Variants in PRR16 observed in about 807,000 individuals in gnomAD.
PRR16 encodes protein Largen.
In PRR16, 6 loss-of-function variants were observed where a neutral mutation model predicts 18.2. The observed-to-expected ratio is 0.33, with a 90% CI of 0.18 to 0.65. The LOEUF is 0.65. Among genes scored for constraint, PRR16 ranks in the 30% least tolerant of loss-of-function variants. The pLI is 0.74. For missense variants in PRR16, 412 were observed against 376.6 expected (o/e 1.09, Z -0.78); for synonymous variants, 151 against 147.8 (o/e 1.02, Z -0.16).
intron 1 of PRR16, among the ~76,000 whole-genome samples, chr5:120,540,439 A>G (rs1229080136): frequency 2.0e-5 from 3 of 152,306 alleles, no homozygotes; most frequent in African/African-American, 4.8e-5. Context: ...ATAAGGCCCT[A>G]TGTGCCCTGG....
chr5:120,652,598 T>C (rs1755829455), intron 1 of PRR16, among the ~76,000 whole-genome samples: 1 of 152,102 alleles, frequency 6.6e-6, no homozygotes. Flanking sequence ...AAGAAAAGTA[T>C]AGACAAACCC....
chr5:120,733,895 A>C, the PRR16 span, among the ~76,000 whole-genome samples: 1 of 152,228 alleles, frequency 6.6e-6, no homozygotes, highest in Non-Finnish European at 1.5e-5. Flanking sequence ...TTTTTACTAT[A>C]CTTTCAATGC....
chr5:120,590,227 C>T (rs1362693834), intron 1 of PRR16, among the ~76,000 whole-genome samples: 3 of 152,118 alleles, frequency 2.0e-5, no homozygotes, highest in African/African-American at 7.2e-5. Context: ...GGATCCAGCT[C>T]AGATTCTTGA....
intron 1 of PRR16, among the ~76,000 whole-genome samples, chr5:120,576,543 G>A (rs1270859503): frequency 5.9e-5 from 9 of 152,138 alleles, no homozygotes; most frequent in Non-Finnish European, 1.3e-4. Flanking sequence ...TGGAGTAAAG[G>A]AAACCCTTAT....
the PRR16 span, among the ~76,000 whole-genome samples, chr5:120,738,807 G>A: frequency 7.2e-5 from 11 of 152,120 alleles, no homozygotes; most frequent in African/African-American, 1.9e-4. Context: ...GCTCCATACT[G>A]CAAGAGGCTA....
intron 1 of PRR16, among the ~76,000 whole-genome samples, chr5:120,592,645 T>C (rs1251212502): frequency 6.6e-6 from 1 of 152,178 alleles, no homozygotes; most frequent in African/African-American, 2.4e-5. Flanking sequence ...CCATTGTGCA[T>C]GTAACCCATC....
the PRR16 span, among the ~76,000 whole-genome samples, chr5:120,753,942 A>ATG: frequency 1.5e-4 from 1 of 6,472 alleles, no homozygotes; most frequent in Admixed American, 7.6e-3. Flanking sequence ...TATATATAAT[A>ATG]TATGTTATAT....
intron 1 of PRR16, among the ~76,000 whole-genome samples, chr5:120,481,817 A>G (rs1749626517): frequency 1.3e-5 from 2 of 152,168 alleles, no homozygotes; most frequent in African/African-American, 4.8e-5. Flanking sequence ...ATTTTGTTTC[A>G]AAACAAATTT....
the PRR16 span, among the ~76,000 whole-genome samples, chr5:120,743,954 G>T: frequency 1.3e-3 from 195 of 152,042 alleles, no homozygotes; most frequent in African/African-American, 3.8e-3. Context: ...TAGCAGTGTA[G>T]CATTGGTCCT....
intron 1 of PRR16, among the ~76,000 whole-genome samples, chr5:120,540,253 C>T (rs1413231226): frequency 2.0e-5 from 3 of 152,176 alleles, no homozygotes; most frequent in African/African-American, 7.2e-5. Flanking sequence ...AGGGCAATTG[C>T]AGAGGCCCCT....
chr5:120,749,269 G>A, the PRR16 span, among the ~76,000 whole-genome samples: 1 of 151,928 alleles, frequency 6.6e-6, no homozygotes, highest in Admixed American at 6.6e-5. Flanking sequence ...TAAAAAATGT[G>A]CAGGATTAAA....
At chr5:120,641,034 A>C (rs917009785) in intron 1 of PRR16, among the ~76,000 whole-genome samples, 1 of 152,118 alleles carries the variant, frequency 6.6e-6, no homozygotes, top group Admixed American at 6.6e-5. Context: ...CAACCAGAAG[A>C]GCAGAGTATG....
rs1751663265 is a variant in PRR16 at position 120,534,820 on chromosome 5, T to TA, written c.159+70176dup. On this transcript the variant is annotated intron_variant, in intron 1 of 1. Transcript: ENST00000407149. ...CTGGCCAAGTTAGAGAGGAGAGAAA[T>TA]ACAGTTTCTTAAGTCATGTAAGTAC... Among the ~76,000 whole-genome samples the TA allele has an allele frequency of 1.2e-4, 19 of 152,278 alleles. No homozygotes were observed. The South Asian group carries it at 3.9e-3, about 32-fold the overall frequency.
At chr5:120,789,118 A>T in the PRR16 span, among the ~76,000 whole-genome samples, 1 of 152,086 alleles carries the variant, frequency 6.6e-6, no homozygotes, top group African/African-American at 2.4e-5. Context: ...AAAAAAATAC[A>T]CTTAAAGGCA....
intron 1 of PRR16, among the ~76,000 whole-genome samples, chr5:120,537,026 A>G (rs570532629): frequency 6.6e-6 from 1 of 152,294 alleles, no homozygotes; most frequent in African/African-American, 2.4e-5. Flanking sequence ...GGAACAATAC[A>G]CTGGAATCTA....
the PRR16 span, among the ~76,000 whole-genome samples, chr5:120,709,231 T>A: frequency 2.2e-3 from 336 of 151,994 alleles, 1 homozygote; most frequent in Middle Eastern, 0.027. Flanking sequence ...ATGGTCTCGA[T>A]CTCCTGACCT....
At chr5:120,681,294 T>C (rs1407023867) in intron 1 of PRR16, among the ~76,000 whole-genome samples, 3 of 152,332 alleles carry the variant, frequency 2.0e-5, no homozygotes, top group Middle Eastern at 3.4e-3. Flanking sequence ...TTGGAAGTGA[T>C]AATTTTATAT....
chr5:120,616,807 G>A (rs113112488), intron 1 of PRR16, among the ~76,000 whole-genome samples: 8 of 152,280 alleles, frequency 5.3e-5, no homozygotes, highest in African/African-American at 1.9e-4. Flanking sequence ...GAAAGAATAT[G>A]TACTCAGTAA....
At chr5:120,600,399 C>T (rs185699378) in intron 1 of PRR16, among the ~76,000 whole-genome samples, 5 of 151,872 alleles carry the variant, frequency 3.3e-5, no homozygotes, top group African/African-American at 1.2e-4. Flanking sequence ...TTATTTATTG[C>T]TCCAACAACG....
Sources: allele counts gnomAD v4.1 joint callset (sites outside exome capture counted in the v4.1 genomes callset), GRCh38; gene constraint gnomAD v4.1.1; transcripts MANE v1.5; gene names NCBI Gene and HGNC (gene_info 2026-07-23, HGNC 2026-07-21).